Variants in EYS observed in about 807,000 individuals in gnomAD.
EYS encodes protein eyes shut homolog.
A neutral mutation model predicts 282.1 loss-of-function variants in EYS; 250 were observed. The ratio of observed to expected loss-of-function variants is 0.89; its 90% CI spans 0.80 to 0.98. EYS has a LOEUF of 0.98. EYS is among the 50% of genes least tolerant of loss of function. EYS has a pLI of 0.00. For missense variants in EYS, 4,016 were observed against 3,709.0 expected, an observed-to-expected ratio of 1.08 and a Z score of -2.15; for synonymous variants, 1,355 against 1,282.9, an observed-to-expected ratio of 1.06 and a Z score of -1.20.
At chr6:65,089,380 C>T (rs1206149631) in intron 12 of EYS, among the ~76,000 whole-genome samples, 1 of 152,180 alleles carries the variant, frequency 6.6e-6, no homozygotes, top group Non-Finnish European at 1.5e-5. Flanking sequence ...TCAGCATGAC[C>T]TAGATGTAAG....
intron 30 of EYS, among the ~76,000 whole-genome samples, chr6:64,295,206 C>T (rs1380790395): frequency 2.0e-5 from 3 of 149,224 alleles, no homozygotes; most frequent in African/African-American, 7.5e-5. Flanking sequence ...AACCCCGTCT[C>T]TACTAAAAAT....
chr6:65,639,483 C>T (rs937396312), intron 2 of EYS, among the ~76,000 whole-genome samples: 1 of 151,984 alleles, frequency 6.6e-6, no homozygotes, highest in African/African-American at 2.4e-5. Flanking sequence ...CTTTCTCTTT[C>T]CAAGGCCCAA....
chr6:65,145,122 C>G (rs981268740), intron 12 of EYS, among the ~76,000 whole-genome samples: 3 of 148,088 alleles, frequency 2.0e-5, no homozygotes, highest in African/African-American at 7.7e-5. Flanking sequence ...TAACTACCTC[C>G]TTTTATTTTT....
At chr6:63,862,362 A>C (rs545329894) in intron 36 of EYS, among the ~76,000 whole-genome samples, 65 of 152,296 alleles carry the variant, frequency 4.3e-4, no homozygotes, top group African/African-American at 1.3e-3. Flanking sequence ...TGGAATATAA[A>C]TGAATAGGAT....
chr6:64,837,788 A>T (rs893677164), intron 19 of EYS, among the ~76,000 whole-genome samples: 1 of 150,842 alleles, frequency 6.6e-6, no homozygotes, highest in African/African-American at 2.4e-5. Flanking sequence ...ACCAAAAATC[A>T]GTGGCATTTC....
chr6:65,553,824 A>G (rs1325626518), intron 2 of EYS, among the ~76,000 whole-genome samples: 1 of 152,112 alleles, frequency 6.6e-6, no homozygotes, highest in Non-Finnish European at 1.5e-5. Context: ...ACATTTAAAT[A>G]AAGGAAGTTA....
intron 11 of EYS, among the ~76,000 whole-genome samples, chr6:65,333,730 C>CATAT (rs35235542): frequency 8.6e-5 from 13 of 150,974 alleles, no homozygotes; most frequent in Admixed American, 1.3e-4. Context: ...TGTGTATATA[C>CATAT]ATATATATAT....
chr6:63,932,454 C>A (rs1581992689), intron 35 of EYS, among the ~76,000 whole-genome samples: 1 of 152,150 alleles, frequency 6.6e-6, no homozygotes, highest in East Asian at 1.9e-4. Context: ...TGGAATTATT[C>A]TAGCATTCGT....
intron 22 of EYS, among the ~76,000 whole-genome samples, chr6:64,809,797 A>G (rs76626849): frequency 0.011 from 1,687 of 152,198 alleles, 38 homozygotes; most frequent in African/African-American, 0.039. Context: ...TAAAGGTGGG[A>G]ACAACAGACA....
At position 65,263,703 on chromosome 6, in the gene EYS, C is replaced by CTGTGTGTGTGTGTGTGTG. The variant is rs3042394; in HGVS notation, c.2023+32142_2023+32159dup. ...CCTAAAAAGCAAAAACAAGGCAAAG[C>CTGTGTGTGTGTGTGTGTG]TGTGTGTGTGTGTGTGTGTGTGTGT... On this transcript the variant is annotated intron_variant, in intron 12 of 42. Coordinates refer to ENST00000503581, the MANE Select transcript of EYS (RefSeq NM_001142800.2). Among the ~76,000 whole-genome samples, 948 of 141,384 alleles carry CTGTGTGTGTGTGTGTGTG rather than the reference C, an allele frequency of 6.7e-3. 5 individuals are homozygous for CTGTGTGTGTGTGTGTGTG. The highest frequency in any genetic ancestry group is 0.01 in the Admixed American group (146 of 13,958). The allele number at this position is 141,384 out of a possible 152,430, so 92.8% of individuals were successfully genotyped here. A position where few individuals can be genotyped will look rare whatever the true frequency, so the allele number is the denominator to read the frequency against.
chr6:65,399,519 G>C (rs1045876149), intron 7 of EYS, among the ~76,000 whole-genome samples: 5 of 151,918 alleles, frequency 3.3e-5, no homozygotes, highest in African/African-American at 1.2e-4. Context: ...CAGTAGAGTA[G>C]AATTTCTTAG....
chr6:63,772,939 TTATC>T (rs199752710), intron 40 of EYS, among the ~76,000 whole-genome samples: 2,524 of 152,252 alleles, frequency 0.017, 28 homozygotes, highest in Middle Eastern at 0.031. Flanking sequence ...TTATATCTGT[TTATC>T]TATATCTATT....
chr6:65,607,317 A>G (rs2149793094), intron 2 of EYS, among the ~76,000 whole-genome samples: 1 of 151,966 alleles, frequency 6.6e-6, no homozygotes, highest in South Asian at 2.1e-4. Flanking sequence ...TTCACTTAAA[A>G]AAAAATACTG....
At chr6:64,194,764 A>G (rs1179913205) in intron 31 of EYS, among the ~76,000 whole-genome samples, 1 of 152,088 alleles carries the variant, frequency 6.6e-6, no homozygotes, top group Non-Finnish European at 1.5e-5. Context: ...TATTAATTTT[A>G]CTATTCTAAT....
chr6:65,697,066 C>A (rs528299796), intron 1 of EYS, among the ~76,000 whole-genome samples: 2 of 151,900 alleles, frequency 1.3e-5, no homozygotes, highest in African/African-American at 4.8e-5. Context: ...GCATGTATAT[C>A]TCACATATAT....
rs1773339125 is a variant in EYS at position 64,115,279 on chromosome 6, G to A, written c.6425-33277C>T. Reference sequence around the variant, plus strand: ...GGTGGGGTTGGAGAGAGGTCTGAATGCCACCATTGCCCTGAACCCTGGAAC... The same window carrying A: ...GGTGGGGTTGGAGAGAGGTCTGAATACCACCATTGCCCTGAACCCTGGAAC... On this transcript the variant is annotated intron_variant, in intron 31 of 42. Transcript: ENST00000503581. Among the ~76,000 whole-genome samples, 3 of 152,078 alleles carry A rather than the reference G, an allele frequency of 2.0e-5. No individual in the cohort carries two copies. The South Asian group carries it at 6.2e-4, about 31-fold the overall frequency.
At chr6:63,977,881 A>C (rs948075076) in intron 35 of EYS, among the ~76,000 whole-genome samples, 1 of 152,048 alleles carries the variant, frequency 6.6e-6, no homozygotes, top group African/African-American at 2.4e-5. Context: ...GAAATCAAGA[A>C]TGCATTACAT....
intron 12 of EYS, among the ~76,000 whole-genome samples, chr6:65,218,559 G>A (rs930165228): frequency 1.6e-4 from 25 of 152,044 alleles, no homozygotes; most frequent in Non-Finnish European, 3.1e-4. Context: ...CACTCATTGG[G>A]ATTTTGCCAT....
At chr6:64,523,475 A>T (rs185462382) in intron 26 of EYS, among the ~76,000 whole-genome samples, 28 of 151,930 alleles carry the variant, frequency 1.8e-4, no homozygotes, top group Admixed American at 5.3e-4. Flanking sequence ...CAAATCAGGA[A>T]ATTTCTACAT....
Sources: gnomAD v4.1 joint callset for allele counts (sites outside exome capture counted in the v4.1 genomes callset) on GRCh38, gnomAD v4.1.1 for gene constraint, MANE v1.5 for transcripts, NCBI Gene and HGNC (gene_info 2026-07-23, HGNC 2026-07-21) for gene names.